The following DDX5 variants were observed in gnomAD, a reference collection of about 807,000 sequenced individuals.
The protein encoded by DDX5 is DEAD-box helicase 5.
A neutral mutation model predicts 68.6 loss-of-function variants in DDX5; 6 were observed. That is an observed-to-expected ratio of 0.09 (90% CI 0.05 to 0.17). The LOEUF (loss-of-function observed/expected upper bound fraction) is 0.17. Among genes scored for constraint, DDX5 ranks in the 10% least tolerant of loss-of-function variants. The pLI is 1.00. For missense variants in DDX5, 499 were observed against 756.1 expected (o/e 0.66, Z 3.99); for synonymous variants, 350 against 247.0 (o/e 1.42, Z -3.91).
intron 4 of DDX5, 40 bp downstream of exon 4, chr17:64,503,943 T>C (rs1257681469): frequency 6.2e-7 from 1 of 1,613,760 alleles, no homozygotes; most frequent in Non-Finnish European, 8.5e-7. Context: ...TACATTTTCT[T>C]GCATATATCA....
At chr17:64,502,780 G>A (rs2038332237) in intron 8 of DDX5, 146 bp downstream of exon 8, 14 of 847,570 alleles carry the variant, frequency 1.7e-5, no homozygotes, top group South Asian at 9.6e-5. Context: ...ATTATTTGAA[G>A]GATTCAAGAA....
intron 1 of DDX5, chr17:64,505,453 C>G: frequency 1.8e-6 from 1 of 570,208 alleles, no homozygotes; most frequent in Non-Finnish European, 3.1e-6. Flanking sequence ...GGAGGAGTCC[C>G]GGCCCGGGCG....
At chr17:64,502,305 C>A in intron 9 of DDX5, 82 bp from the exon 10 acceptor site, 1 of 1,516,834 alleles carries the variant, frequency 6.6e-7, no homozygotes, top group Non-Finnish European at 9.1e-7. Context: ...GGTCACAGAT[C>A]TCTTTAATTT....
chr17:64,502,789 A>G, intron 8 of DDX5, 137 bp downstream of exon 8: 1 of 926,832 alleles, frequency 1.1e-6, no homozygotes, highest in Non-Finnish European at 1.6e-6. Flanking sequence ...AGGATTCAAG[A>G]AATTTTCAGG....
At chr17:64,503,626 T>A in intron 5 of DDX5, 55 bp from the exon 6 acceptor site, 7 of 1,599,222 alleles carry the variant, frequency 4.4e-6, no homozygotes, top group Non-Finnish European at 6.0e-6. Flanking sequence ...TTTAAACTGC[T>A]AACTTATTAT....
Position 64,502,937 on chromosome 17 carries a change from T to C in DDX5, c.972A>G (p.Glu324=). The C allele has an allele frequency of 6.3e-7, 1 of 1,590,004 alleles. No homozygotes were observed. Among genetic ancestry groups the C allele is most frequent in the Non-Finnish European group, 8.6e-7 (1 of 1,168,074 alleles). ...LQIVDVCHDV[E]KDEKLIRLME... ...TTAATAAAACTTACTTTTCATCCTT[T>C]TCTACGTCATGACACACATCCACAA... Residue 324 remains glutamate, a synonymous_variant, in exon 8 of 13, where the codon GAA becomes GAG. Transcript: ENST00000225792.
chr17:64,501,812 A>G, intron 11 of DDX5, 198 bp downstream of exon 11: 1 of 605,452 alleles, frequency 1.7e-6, no homozygotes, highest in Non-Finnish European at 2.9e-6. Context: ...ATCGACTGGA[A>G]GCAGCCAGCC....
chr17:64,498,636 C>T lies in DDX5; in HGVS notation c.*1287G>A, dbSNP rs1555670251. Among the ~76,000 whole-genome samples the T allele has an allele frequency of 6.6e-6, 1 of 152,096 alleles. No individual in the cohort carries two copies. Among genetic ancestry groups the T allele is most frequent in the African/African-American group, 2.4e-5 (1 of 41,424 alleles). On this transcript the variant is annotated 3_prime_UTR_variant, in exon 13 of 13. Transcript: ENST00000225792. ...TACATTTGACATAAGGCATTAACAT[C>T]AATTAAAGCCTCAGTTTAATAATCA...
chr17:64,504,364 C>CT (rs1555671728), intron 2 of DDX5, 46 bp from the exon 3 acceptor site: 8 of 1,493,148 alleles, frequency 5.4e-6, no homozygotes, highest in Non-Finnish European at 7.5e-6. Context: ...ACAACCACCC[C>CT]TAGCTAAATA....
chr17:64,499,008 AGT>A lies in DDX5; in HGVS notation c.*913_*914del, dbSNP rs1356485205. ...TATTGGAAAGACATTCATGACTCCC[AGT>A]GTGACTAGTTAAGAGCCCCAGGGAG... On this transcript the variant is annotated 3_prime_UTR_variant, in exon 13 of 13. Transcript: ENST00000225792. Among the ~76,000 whole-genome samples the A allele has an allele frequency of 6.6e-6, 1 of 152,248 alleles. No homozygotes were observed. The highest frequency in any genetic ancestry group is 1.5e-5 in the Non-Finnish European group (1 of 68,036).
At position 64,503,460 on chromosome 17, in the gene DDX5, T is replaced by G; in HGVS notation, c.619A>C (p.Lys207Gln). Residue 207 changes from lysine (K) to glutamine (Q), a missense_variant, in exon 6 of 13, where the codon AAG (lysine) becomes CAG (glutamine). By Grantham distance (53) the Lys-to-Gln change is moderately conservative (BLOSUM62 1). This residue lies in a region of DDX5 where 141 missense variants were observed against 279.8 expected (regional missense o/e 0.50). Transcript: ENST00000225792. ...KSTCIYGGAP[K>Q]GPQIRDLERG... ...TCCAAATCACGTATTTGTGGTCCCT[T>G]AGGAGCACCACCGTAGATACAAGTA... The G allele has an allele frequency of 6.2e-7, 1 of 1,614,228 alleles. No individual in the cohort carries two copies. Among genetic ancestry groups the G allele is most frequent in the Non-Finnish European group, 8.5e-7 (1 of 1,180,018 alleles).
chr17:64,502,342 C>T lies in DDX5; in HGVS notation c.1094+97G>A, dbSNP rs2038317539. Reference sequence around the variant, plus strand: ...GCCAGAAATGAAAAAGTTAAATTCACTATCAGATATGAAAAAAATCCACTG... The same window carrying T: ...GCCAGAAATGAAAAAGTTAAATTCATTATCAGATATGAAAAAAATCCACTG... On this transcript the variant is annotated intron_variant, in intron 9 of 12. Transcript: ENST00000225792. 4 of 1,458,718 alleles carry T rather than the reference C, an allele frequency of 2.7e-6. No homozygotes were observed. The South Asian group carries it at 3.5e-5, about 13-fold the overall frequency. 90.4% of individuals were successfully genotyped at this position (1,458,718 alleles called of 1,614,324 possible).
In DDX5 at chr17:64,504,664, T is replaced by A. The variant is rs373195915; in HGVS notation, c.210+13A>T. ...CGAGTTACAGCCTGATGAAGCCACA[T>A]GAATTTACTCACTGCTGTGCGCCTA... On this transcript the variant is annotated intron_variant, in intron 2 of 12. Coordinates refer to ENST00000225792, the MANE Select transcript of DDX5 (RefSeq NM_004396.5). The A allele has an allele frequency of 1.3e-5, 21 of 1,596,082 alleles. No individual in the cohort carries two copies. The highest frequency in any genetic ancestry group is 1.6e-5 in the Non-Finnish European group (19 of 1,173,612).
In DDX5 at chr17:64,499,990, T is replaced by C. The variant is rs2038255297; in HGVS notation, c.1778A>G (p.Tyr593Cys). The C allele has an allele frequency of 1.2e-6, 2 of 1,614,000 alleles. No individual in the cohort carries two copies. Among genetic ancestry groups the C allele is most frequent in the African/African-American group, 2.7e-5 (2 of 74,954 alleles). ...NMHNGMNQQA[Y>C]AYPATAAAPM... ...TGCAGCTGCAGTAGCAGGATATGCA[T>C]ATGCCTGTTGGTTCATACCATTGTG... The change falls in exon 13 of 13, where the codon TAT (tyrosine) becomes TGT (cysteine). Residue 593 changes from tyrosine to cysteine, a missense_variant. By Grantham distance (194) the Tyr-to-Cys change is radical. Around this residue, in one of 5 missense-constraint regions of DDX5, gnomAD observed 171 missense variants for 174.8 expected, o/e 0.98. Coordinates refer to ENST00000225792, the MANE Select transcript of DDX5 (RefSeq NM_004396.5).
At chr17:64,503,140 G>A (rs782576204) in intron 7 of DDX5, 42 bp from the exon 8 acceptor site, 2 of 1,612,592 alleles carry the variant, frequency 1.2e-6, no homozygotes, top group Non-Finnish European at 1.7e-6. Context: ...AGACTCTTAA[G>A]AGTGAAAACA....
intron 8 of DDX5, 180 bp downstream of exon 8, chr17:64,502,746 G>A: frequency 1.3e-6 from 1 of 750,238 alleles, no homozygotes; most frequent in Admixed American, 3.0e-5. Context: ...TCCTTCTATA[G>A]GAAAGCTATA....
upstream of DDX5, chr17:64,506,609 A>G (rs2038540709): frequency 8.1e-6 from 3 of 371,742 alleles, no homozygotes; most frequent in African/African-American, 4.1e-5. Context: ...TTACGTCTCC[A>G]AAGAGCCCTC....
At chr17:64,506,753 A>ACCGGAAGTGCGCTGCTCGCACC (rs1429160160), upstream of DDX5, 4 of 480,154 alleles carry the variant, frequency 8.3e-6, no homozygotes, top group Admixed American at 7.4e-5. Context: ...GAAATAGCTC[A>ACCGGAAGTGCGCTGCTCGCACC]CCGGAAGTGC....
chr17:64,504,361 C>T (rs373668042), intron 2 of DDX5, 43 bp from the exon 3 acceptor site: 11 of 1,512,776 alleles, frequency 7.3e-6, no homozygotes, highest in African/African-American at 1.4e-5. Context: ...ATGACAACCA[C>T]CCCTAGCTAA....
Sources: gnomAD v4.1 joint callset for allele counts (sites outside exome capture counted in the v4.1 genomes callset) on GRCh38, gnomAD v4.1.1 for gene constraint, gnomAD v4.1.1 regional missense constraint, MANE v1.5 for transcripts, NCBI Gene and HGNC (gene_info 2026-07-23, HGNC 2026-07-21) for gene names.